STK32C: variants seen among roughly 807,000 people sequenced by gnomAD.
STK32C encodes the protein serine/threonine kinase 32C.
In STK32C, 31 loss-of-function variants were observed where a neutral mutation model predicts 56.5. That is an observed-to-expected ratio of 0.55 (90% CI 0.41 to 0.74). STK32C has a LOEUF of 0.74. Ranked by LOEUF, STK32C falls within the 30% of genes least tolerant of loss-of-function variation. The probability of loss-of-function intolerance (pLI) is 0.00; values close to 1 mark genes in which losing one functional copy is unlikely to be tolerated. For synonymous variants in STK32C, 309 were observed against 289.4 expected (o/e 1.07, Z -0.69); for missense variants, 544 against 676.9 (o/e 0.80, Z 2.18).
At chr10:132,289,560 C>A (rs1372544004) in intron 1 of STK32C, among the ~76,000 whole-genome samples, 1 of 152,208 alleles carries the variant, frequency 6.6e-6, no homozygotes, top group African/African-American at 2.4e-5. Flanking sequence ...TTGCCATAGA[C>A]CTGATTCCTC....
chr10:132,213,790 A>G (rs1447866246), intron 10 of STK32C, among the ~76,000 whole-genome samples: 1 of 152,246 alleles, frequency 6.6e-6, no homozygotes, highest in Non-Finnish European at 1.5e-5. Flanking sequence ...GGGGAACAGA[A>G]GGGCAATGTA....
chr10:132,262,544 A>G (rs2064337697), intron 1 of STK32C, among the ~76,000 whole-genome samples: 1 of 152,210 alleles, frequency 6.6e-6, no homozygotes, highest in African/African-American at 2.4e-5. Flanking sequence ...CGCATCTGAC[A>G]AAGTTCTAAT....
intron 10 of STK32C, among the ~76,000 whole-genome samples, chr10:132,221,246 C>T (rs2062630111): frequency 6.6e-6 from 1 of 151,396 alleles, no homozygotes; most frequent in East Asian, 2.0e-4. Flanking sequence ...AGTCTGAGGG[C>T]TTCACGTGGC....
In STK32C at chr10:132,208,277, G is replaced by A. The variant is rs1321783018; in HGVS notation, c.1320-126C>T. ...ATGCCCAAACGTGGGCCACAGGCTC[G>A]GTGTCTGCTGGAGAGGCCATGCTCC... On this transcript the variant is annotated intron_variant, in intron 11 of 11. Transcript: ENST00000298630. 1.5e-5 allele frequency: 17 copies of A among 1,135,926 alleles called. No individual in the cohort carries two copies. The East Asian group carries it at 1.9e-4, about 13-fold the overall frequency. The allele number at this position is 1,135,926 out of a possible 1,614,324, so 70.4% of individuals were successfully genotyped here.
intron 1 of STK32C, among the ~76,000 whole-genome samples, chr10:132,300,705 G>C (rs1047152425): frequency 1.3e-5 from 2 of 152,312 alleles, no homozygotes; most frequent in East Asian, 3.9e-4. Flanking sequence ...CCCACGCCCA[G>C]GGCAGGCAGG....
intron 1 of STK32C, among the ~76,000 whole-genome samples, chr10:132,251,938 C>A (rs375540931): frequency 1.1e-4 from 11 of 99,832 alleles, no homozygotes; most frequent in Non-Finnish European, 1.7e-4. Flanking sequence ...CCTCCACTAC[C>A]CACCACAGGC....
At chr10:132,301,301 A>G (rs1449571025) in intron 1 of STK32C, among the ~76,000 whole-genome samples, 1 of 152,226 alleles carries the variant, frequency 6.6e-6, no homozygotes, top group Non-Finnish European at 1.5e-5. Flanking sequence ...ACCCAGATGC[A>G]GCTCCGAGCT....
At chr10:132,262,566 A>G (rs1166606621) in intron 1 of STK32C, among the ~76,000 whole-genome samples, 1 of 152,192 alleles carries the variant, frequency 6.6e-6, no homozygotes, top group Non-Finnish European at 1.5e-5. Flanking sequence ...ACCAGAATCT[A>G]CAAGGAACTT....
rs375037679 is a variant in STK32C at position 132,208,007 on chromosome 10, G to A, written c.*3C>T. 59 of 1,306,412 alleles carry A rather than the reference G, an allele frequency of 4.5e-5. No homozygotes were observed. The highest frequency in any genetic ancestry group is 5.2e-5 in the Non-Finnish European group (53 of 1,020,778). The allele number at this position is 1,306,412 out of a possible 1,614,324, so 80.9% of individuals were successfully genotyped here. On this transcript the variant is annotated 3_prime_UTR_variant, in exon 12 of 12. Coordinates refer to ENST00000298630, the MANE Select transcript of STK32C (RefSeq NM_173575.4). ...AAGGGGTGAGGACCACGGGCGTCCC[G>A]GCCTAGCCGCTCCCGGCCGAGGGGC...
chr10:132,233,499 C>T (rs2063170247), intron 2 of STK32C, among the ~76,000 whole-genome samples: 1 of 152,200 alleles, frequency 6.6e-6, no homozygotes, highest in Non-Finnish European at 1.5e-5. Context: ...GCTTCCTAGG[C>T]CATGGCTGGT....
intron 1 of STK32C, among the ~76,000 whole-genome samples, chr10:132,317,469 T>C (rs1451352259): frequency 6.6e-6 from 1 of 152,202 alleles, no homozygotes; most frequent in East Asian, 1.9e-4. Context: ...AAGTCATCTT[T>C]CTGGTGTAGG....
chr10:132,288,991 C>T lies in STK32C; in HGVS notation c.262+18581G>A, dbSNP rs561193591. Among the ~76,000 whole-genome samples the T allele has an allele frequency of 5.1e-4, 78 of 152,242 alleles. 1 individual carries two copies. In the South Asian group the frequency reaches 0.012, roughly 24 times the overall value. ...TTCATATGGAAATACAGAGGATCCACAATTGCTGAAACAATTTTGGGAAAT... is the reference window on the plus strand; with the variant it reads ...TTCATATGGAAATACAGAGGATCCATAATTGCTGAAACAATTTTGGGAAAT... On this transcript the variant is annotated intron_variant, in intron 1 of 11. Transcript: ENST00000298630.
intron 1 of STK32C, among the ~76,000 whole-genome samples, chr10:132,314,744 G>T (rs1387847154): frequency 6.6e-6 from 1 of 152,160 alleles, no homozygotes; most frequent in Non-Finnish European, 1.5e-5. Context: ...ATCAGATAAC[G>T]TAGACTTCAA....
chr10:132,280,973 T>TTCCATGATCACGCCCCTGCAC (rs1449982952), intron 1 of STK32C, among the ~76,000 whole-genome samples: 15 of 102,748 alleles, frequency 1.5e-4, no homozygotes, highest in Non-Finnish European at 2.4e-4. Context: ...GAGGCCTCCA[T>TTCCATGATCACGCCCCTGCAC]TCCATGATCA....
intron 3 of STK32C, among the ~76,000 whole-genome samples, chr10:132,227,322 T>C (rs1475609917): frequency 1.3e-5 from 2 of 152,228 alleles, no homozygotes; most frequent in East Asian, 3.8e-4. Context: ...CTCGGAGGGT[T>C]GTTACAGAAA....
intron 2 of STK32C, among the ~76,000 whole-genome samples, chr10:132,230,534 A>G (rs998859954): frequency 5.3e-5 from 8 of 152,202 alleles, no homozygotes; most frequent in African/African-American, 1.9e-4. Flanking sequence ...TGCTCCAGAA[A>G]GGCTGTTTGT....
intron 1 of STK32C, among the ~76,000 whole-genome samples, chr10:132,258,684 C>A (rs1186622369): frequency 1.3e-5 from 2 of 152,254 alleles, no homozygotes; most frequent in African/African-American, 2.4e-5. Context: ...GCTGTCCACG[C>A]TGACGCTGTG....
intron 1 of STK32C, among the ~76,000 whole-genome samples, chr10:132,278,919 T>C (rs986178887): frequency 9.2e-5 from 14 of 152,176 alleles, no homozygotes; most frequent in African/African-American, 3.1e-4. Flanking sequence ...GGGCCACTCA[T>C]GGTACAAGAG....
At chr10:132,285,193 C>T (rs12762646) in intron 1 of STK32C, among the ~76,000 whole-genome samples, 7 of 132,096 alleles carry the variant, frequency 5.3e-5, no homozygotes, top group East Asian at 2.5e-4. Context: ...CATTCCCACA[C>T]CTGCCCAAAG....
Sources: gnomAD v4.1 joint callset for allele counts (sites outside exome capture counted in the v4.1 genomes callset) on GRCh38, gnomAD v4.1.1 for gene constraint, MANE v1.5 for transcripts, NCBI Gene and HGNC (gene_info 2026-07-23, HGNC 2026-07-21) for gene names.